The following CCAR2 variants were observed in gnomAD, a reference collection of about 807,000 sequenced individuals.
CCAR2 encodes cell cycle and apoptosis regulator 2, also known as cell cycle and apoptosis regulator protein 2.
A neutral mutation model predicts 108.1 loss-of-function variants in CCAR2; 21 were observed. The observed-to-expected ratio is 0.19, with a 90% CI of 0.14 to 0.28. The LOEUF (loss-of-function observed/expected upper bound fraction) is 0.28, where lower values mean the gene tolerates loss of function less well. Among genes scored for constraint, CCAR2 ranks in the 10% least tolerant of loss-of-function variants. CCAR2 has a pLI of 1.00. For synonymous variants in CCAR2, 577 were observed against 472.8 expected, an observed-to-expected ratio of 1.22 and a Z score of -2.86; for missense variants, 1,126 against 1,177.0, an observed-to-expected ratio of 0.96 and a Z score of 0.63.
chr8:22,614,363 C>T (rs1340219409), intron 9 of CCAR2, 27 bp from the exon 10 acceptor site: 2 of 1,613,618 alleles, frequency 1.2e-6, no homozygotes, highest in Non-Finnish European at 1.7e-6. Context: ...AGGCTGAAGG[C>T]AGCTCTGAGT....
chr8:22,615,073 C>T (rs1200437387), intron 11 of CCAR2, 72 bp downstream of exon 11: 6 of 1,447,776 alleles, frequency 4.1e-6, no homozygotes, highest in South Asian at 1.4e-5. Flanking sequence ...AAGGCCCGGT[C>T]CCTGCCCCTT....
chr8:22,614,029 A>T (rs534556020), intron 8 of CCAR2, 63 bp from the exon 9 acceptor site: 3 of 1,463,142 alleles, frequency 2.1e-6, no homozygotes, highest in Non-Finnish European at 2.8e-6. Context: ...CAAATCTTTG[A>T]TGGTTTCATT....
At chr8:22,618,561 G>A (rs552452345) in intron 17 of CCAR2, 56 bp from the exon 18 acceptor site, 7 of 1,613,952 alleles carry the variant, frequency 4.3e-6, no homozygotes, top group Admixed American at 3.3e-5. Context: ...CTAGGTTCCC[G>A]CCCATGGCCA....
intron 17 of CCAR2, 21 bp from the exon 18 acceptor site, chr8:22,618,596 C>G (rs1252018719): frequency 1.2e-6 from 2 of 1,613,564 alleles, no homozygotes; most frequent in Middle Eastern, 3.3e-4. Context: ...GCCTTCTGAT[C>G]AGCAGATGTG....
At chr8:22,607,169 CT>C (rs746068205) in intron 5 of CCAR2, 26 bp from the exon 6 acceptor site, 179 of 1,612,780 alleles carry the variant, frequency 1.1e-4, no homozygotes, top group Non-Finnish European at 1.3e-4. Flanking sequence ...ATGGGGTCCC[CT>C]GAATTTCCTG....
At chr8:22,614,772 T>TTCATCCTGATGGGTGGC in intron 10 of CCAR2, 66 bp from the exon 11 acceptor site, 1 of 1,602,028 alleles carries the variant, frequency 6.2e-7, no homozygotes, top group Non-Finnish European at 8.5e-7. Context: ...GGTGGCAGCC[T>TTCATCCTGATGGGTGGC]TGCCCTGCAG....
rs560907500 is a variant in CCAR2, at chr8:22,608,130, TA to T, written c.584+66del. ...ACTAACATTCTCTTTATTTTATTAT[TA>T]TTTTTTTGTGTTGGCCAGGAAGTGA... On this transcript the variant is annotated intron_variant, in intron 7 of 20. Transcript: ENST00000308511. 2.7e-4 allele frequency: 362 copies of T among 1,333,468 alleles called. 7 individuals carry two copies. The South Asian group carries it at 4.5e-3, about 16-fold the overall frequency. The allele number at this position is 1,333,468 out of a possible 1,614,324, so 82.6% of individuals were successfully genotyped here. A position where few individuals can be genotyped will look rare whatever the true frequency, so the allele number is the denominator to read the frequency against.
At chr8:22,616,901 A>AGAT (rs1554562183) in intron 14 of CCAR2, among the ~76,000 whole-genome samples, 4 of 44,084 alleles carry the variant, frequency 9.1e-5, no homozygotes, top group Admixed American at 3.6e-4. Context: ...TTTTTTGGGG[A>AGAT]GATGGAGTCT....
In CCAR2 at chr8:22,618,930, G is replaced by T. The variant is rs754601975; in HGVS notation, c.2436G>T (p.Val812=). 9 of 1,613,784 alleles carry T rather than the reference G, an allele frequency of 5.6e-6. No individual in the cohort carries two copies. The Admixed American group carries it at 1.5e-4, about 27-fold the overall frequency. The change falls in exon 19 of 21, where the codon GTG becomes GTT. Residue 812 remains valine (V), a synonymous_variant. Coordinates refer to ENST00000308511, the MANE Select transcript of CCAR2 (RefSeq NM_001393997.1). ...LVSHNGSLIN[V]GSLLQRAEQQ... ...CCCACAATGGCAGCCTGATTAACGT[G>T]GGGAGCCTGCTGCAGCGCGCGGAGC... is the stretch of plus-strand genomic sequence containing the variant.
At chr8:22,621,362 G>C (rs781688409), downstream of CCAR2, 1 of 1,556,300 alleles carries the variant, frequency 6.4e-7, no homozygotes, top group Non-Finnish European at 8.7e-7. Context: ...CTAGCCCTGA[G>C]AAGGGCAAGG....
At chr8:22,607,420 C>A in intron 6 of CCAR2, 95 bp downstream of exon 6, 8 of 1,311,036 alleles carry the variant, frequency 6.1e-6, no homozygotes, top group South Asian at 2.7e-5. Flanking sequence ...GAGGTGGGTA[C>A]TTCTATGTAC....
At chr8:22,613,666 TTGTC>T (rs1801385117) in intron 8 of CCAR2, among the ~76,000 whole-genome samples, 1 of 152,212 alleles carries the variant, frequency 6.6e-6, no homozygotes, top group Admixed American at 6.5e-5. Flanking sequence ...TTTTTCATCT[TTGTC>T]TGTCTAGTTG....
chr8:22,616,259 T>G lies in CCAR2; in HGVS notation c.1845+11T>G. The G allele has an allele frequency of 6.2e-7, 1 of 1,610,176 alleles. No homozygotes were observed. Among genetic ancestry groups the G allele is most frequent in the Admixed American group, 1.7e-5 (1 of 59,998 alleles). On this transcript the variant is annotated intron_variant, in intron 14 of 20. Coordinates refer to ENST00000308511, the MANE Select transcript of CCAR2 (RefSeq NM_001393997.1). Reference sequence around the variant, plus strand: ...TCAGAGGCCCCGCTGGTGAGTACCCTGCCACCTCGGGCTGTCATAGTGCTT... The same window carrying G: ...TCAGAGGCCCCGCTGGTGAGTACCCGGCCACCTCGGGCTGTCATAGTGCTT...
chr8:22,614,042 G>A (rs200842766), intron 8 of CCAR2, 50 bp from the exon 9 acceptor site: 22 of 1,515,702 alleles, frequency 1.5e-5, no homozygotes, highest in Admixed American at 7.5e-5. Flanking sequence ...GTTTCATTTC[G>A]AATGTTTTAG....
rs749355446 is a variant in CCAR2, at chr8:22,618,360, G to T, written c.2085G>T (p.Leu695=). Residue 695 remains leucine, a synonymous_variant, in exon 17 of 21, where the codon CTG becomes CTT. Transcript: ENST00000308511. ...TGTTTTCTTTGCAGCCCAAGGAGCT[G>T]GATCCCTCTGCTGTGCTCCCCTTAG... The part of the protein sequence containing the change: ...FSSLQDMPKE[L]DPSAVLPLDC... 2 of 1,614,214 alleles carry T rather than the reference G, an allele frequency of 1.2e-6. No individual in the cohort carries two copies. Among genetic ancestry groups the T allele is most frequent in the Non-Finnish European group, 1.7e-6 (2 of 1,180,038 alleles).
In CCAR2 at chr8:22,620,246, A is replaced by AT. The variant is rs1801720744; in HGVS notation, c.*564_*565insT. On this transcript the variant is annotated 3_prime_UTR_variant, in exon 21 of 21. Coordinates refer to ENST00000308511, the MANE Select transcript of CCAR2 (RefSeq NM_001393997.1). Reference sequence around the variant, plus strand: ...GTTGGGCTGGGTTTGCCAGTAGAACACTGCGTTCCAGTCACCCCGGTCTTG... The same window carrying AT: ...GTTGGGCTGGGTTTGCCAGTAGAACATCTGCGTTCCAGTCACCCCGGTCTTG... 6.5e-6 allele frequency: 1 copy of AT among 153,566 alleles called. No individual in the cohort carries two copies. The highest frequency in any genetic ancestry group is 2.4e-5 in the African/African-American group (1 of 41,436). The allele number at this position is 153,566 out of a possible 1,614,324, so 9.5% of individuals were successfully genotyped here.
chr8:22,606,946 G>C lies in CCAR2; in HGVS notation c.279G>C (p.Lys93Asn). 1 of 1,614,144 alleles carries C rather than the reference G, an allele frequency of 6.2e-7. No individual in the cohort carries two copies. ...GCCGTCTGCCCCAGCTGGGTGAGAA[G>C]GTGCTGGTGAAGGCTGCATACAACC... is the stretch of plus-strand genomic sequence containing the variant. ...VKGRLPQLGE[K>N]VLVKAAYNPG... Residue 93 changes from lysine to asparagine, a missense_variant, in exon 5 of 21, where the codon AAG becomes AAC. Lys to Asn is a moderately conservative substitution (Grantham distance 94, BLOSUM62 0). Coordinates refer to ENST00000308511, the MANE Select transcript of CCAR2 (RefSeq NM_001393997.1).
chr8:22,618,298 GC>G (rs780066108), intron 16 of CCAR2, 50 bp from the exon 17 acceptor site: 2 of 1,611,998 alleles, frequency 1.2e-6, no homozygotes, highest in African/African-American at 2.7e-5. Flanking sequence ...GGGCGATAGA[GC>G]CACTGAGGGA....
At chr8:22,619,402 C>A in intron 20 of CCAR2, 47 bp downstream of exon 20, 1 of 1,537,434 alleles carries the variant, frequency 6.5e-7, no homozygotes, top group Non-Finnish European at 8.8e-7. Context: ...TTTCCCTGAG[C>A]TCCAAAAGTC....
Sources: allele counts gnomAD v4.1 joint callset (sites outside exome capture counted in the v4.1 genomes callset), GRCh38; gene constraint gnomAD v4.1.1; transcripts MANE v1.5; gene names NCBI Gene and HGNC (gene_info 2026-07-23, HGNC 2026-07-21).